Variants in TRPM3 observed in about 807,000 individuals in gnomAD.
TRPM3 encodes the protein transient receptor potential cation channel subfamily M member 3, also known as long transient receptor potential channel 3.
TRPM3 carries 77 observed loss-of-function variants against 181.2 expected under a neutral mutation model. The ratio of observed to expected loss-of-function variants is 0.42; its 90% CI spans 0.35 to 0.51. TRPM3 has a LOEUF of 0.51. TRPM3 is among the 20% of genes least tolerant of loss of function. The pLI, the probability that TRPM3 is intolerant of heterozygous loss-of-function variation, is 0.01. For synonymous variants in TRPM3, 745 were observed against 796.4 expected, an observed-to-expected ratio of 0.94 and a Z score of 1.09; for missense variants, 1,759 against 2,196.7, an observed-to-expected ratio of 0.80 and a Z score of 3.98.
At chr9:71,170,903 G>A (rs552349841) in intron 1 of TRPM3, among the ~76,000 whole-genome samples, 45 of 152,260 alleles carry the variant, frequency 3.0e-4, no homozygotes, top group Admixed American at 1.6e-3. Context: ...CTGGTGAGCT[G>A]GGCAGAACAG....
chr9:71,284,114 G>GA (rs2085079842), intron 1 of TRPM3, among the ~76,000 whole-genome samples: 2 of 111,666 alleles, frequency 1.8e-5, no homozygotes, highest in Non-Finnish European at 3.9e-5. Context: ...CAGCTTCAAT[G>GA]GGTTTTTTAC....
chr9:71,206,130 C>T (rs1054275404), intron 1 of TRPM3, among the ~76,000 whole-genome samples: 1 of 152,144 alleles, frequency 6.6e-6, no homozygotes, highest in Non-Finnish European at 1.5e-5. Context: ...ATTGCTGGGT[C>T]AAATGGTATT....
chr9:71,112,307 T>A (rs535170919), intron 1 of TRPM3, among the ~76,000 whole-genome samples: 433 of 152,316 alleles, frequency 2.8e-3, no homozygotes, highest in African/African-American at 9.8e-3. Flanking sequence ...TGAGATAATT[T>A]TTATCTCTCA....
At chr9:71,353,935 T>C (rs1222108010) in intron 1 of TRPM3, among the ~76,000 whole-genome samples, 2 of 152,220 alleles carry the variant, frequency 1.3e-5, no homozygotes, top group Admixed American at 6.5e-5. Context: ...CCACAGATGG[T>C]TGGTGACAAA....
chr9:71,415,801 T>C (rs1419714232), intron 1 of TRPM3, among the ~76,000 whole-genome samples: 1 of 151,784 alleles, frequency 6.6e-6, no homozygotes, highest in Non-Finnish European at 1.5e-5. Flanking sequence ...TCTAGATTTA[T>C]CTCTAGATTT....
chr9:71,434,810 A>C (rs557807658), intron 1 of TRPM3, among the ~76,000 whole-genome samples: 1 of 152,322 alleles, frequency 6.6e-6, no homozygotes, highest in East Asian at 1.9e-4. Flanking sequence ...GCCTATTAAC[A>C]GTGATGTATA....
chr9:71,417,596 T>C (rs1735867695), intron 1 of TRPM3, among the ~76,000 whole-genome samples: 1 of 151,996 alleles, frequency 6.6e-6, no homozygotes, highest in Admixed American at 6.6e-5. Flanking sequence ...ACTGCACTAA[T>C]TTAAATTAGT....
intron 1 of TRPM3, among the ~76,000 whole-genome samples, chr9:71,144,859 A>G (rs1377818358): frequency 6.6e-6 from 1 of 152,210 alleles, no homozygotes; most frequent in African/African-American, 2.4e-5. Context: ...TGGTGTTTTT[A>G]TTAAACTCTA....
intron 1 of TRPM3, among the ~76,000 whole-genome samples, chr9:70,946,488 A>G (rs919086017): frequency 2.0e-5 from 3 of 152,046 alleles, no homozygotes; most frequent in African/African-American, 7.2e-5. Context: ...TAGGGTTGTT[A>G]TAATTAAATG....
At chr9:71,122,607 T>C (rs773422465), upstream of TRPM3, among the ~76,000 whole-genome samples, 1 of 152,162 alleles carries the variant, frequency 6.6e-6, no homozygotes, top group African/African-American at 2.4e-5. Flanking sequence ...ATGACTATTA[T>C]GCAGTCAGAG....
intron 1 of TRPM3, among the ~76,000 whole-genome samples, chr9:70,988,599 A>G (rs990521649): frequency 6.6e-6 from 1 of 152,180 alleles, no homozygotes; most frequent in Non-Finnish European, 1.5e-5. Flanking sequence ...AATGATGTGA[A>G]TCTAGGTACT....
At chr9:71,397,099 C>T (rs957610742) in intron 1 of TRPM3, among the ~76,000 whole-genome samples, 4 of 151,854 alleles carry the variant, frequency 2.6e-5, no homozygotes, top group Admixed American at 2.0e-4. Context: ...TAATGTAGTA[C>T]GATAAGATAT....
intron 1 of TRPM3, among the ~76,000 whole-genome samples, chr9:71,429,464 A>T (rs1563922585): frequency 6.6e-6 from 1 of 152,174 alleles, no homozygotes; most frequent in Non-Finnish European, 1.5e-5. Context: ...ATATATGTAG[A>T]TCTCACAGAA....
At chr9:71,388,468 C>A (rs1426647972) in intron 1 of TRPM3, among the ~76,000 whole-genome samples, 2 of 152,060 alleles carry the variant, frequency 1.3e-5, no homozygotes, top group Non-Finnish European at 2.9e-5. Flanking sequence ...GTGGAATTGG[C>A]TGTATTATTT....
chr9:71,151,108 G>A (rs1196006157), intron 1 of TRPM3, among the ~76,000 whole-genome samples: 2 of 152,164 alleles, frequency 1.3e-5, no homozygotes, highest in African/African-American at 4.8e-5. Flanking sequence ...GTGTGTGCGC[G>A]TGCATGCGCA....
chr9:71,315,720 C>CA (rs1361263671), intron 1 of TRPM3, among the ~76,000 whole-genome samples: 2 of 152,070 alleles, frequency 1.3e-5, no homozygotes, highest in African/African-American at 4.8e-5. Flanking sequence ...TATTATCCAG[C>CA]AATGTTTTAA....
intron 1 of TRPM3, among the ~76,000 whole-genome samples, chr9:70,976,123 T>C (rs1351181347): frequency 6.6e-6 from 1 of 152,196 alleles, no homozygotes; most frequent in African/African-American, 2.4e-5. Flanking sequence ...GTGAAGATTA[T>C]CCATGGTGAG....
chr9:71,096,590 A>ACACACACTCTCTCTCTCTCTCTCTCT (rs1452142664), intron 1 of TRPM3, among the ~76,000 whole-genome samples: 9 of 90,040 alleles, frequency 1.0e-4, no homozygotes, highest in African/African-American at 4.6e-4. Flanking sequence ...ACACACACAC[A>ACACACACTCTCTCTCTCTCTCTCTCT]CTCTCTCTCT....
intron 6 of TRPM3, among the ~76,000 whole-genome samples, chr9:70,784,562 G>T (rs551886005): frequency 2.0e-4 from 30 of 152,226 alleles, no homozygotes; most frequent in Non-Finnish European, 3.7e-4. Flanking sequence ...GAGGGCCTGG[G>T]GTGAGGAGGG....
Sources: allele counts gnomAD v4.1 joint callset (sites outside exome capture counted in the v4.1 genomes callset), GRCh38; gene constraint gnomAD v4.1.1; transcripts MANE v1.5; gene names NCBI Gene and HGNC (gene_info 2026-07-23, HGNC 2026-07-21).